The following NAA15 variants were observed in gnomAD, a reference collection of about 807,000 sequenced individuals.
The protein encoded by NAA15 is N-terminal acetyltransferase.
Under a neutral mutation model 114.0 loss-of-function variants are expected in NAA15, and 34 were observed. The observed-to-expected ratio is 0.30, with a 90% CI of 0.23 to 0.40. The LOEUF is 0.40. NAA15 is among the 10% of genes least tolerant of loss of function. NAA15 has a pLI of 1.00. For missense variants in NAA15, 658 were observed against 1,004.5 expected (o/e 0.66, Z 4.66); for synonymous variants, 340 against 338.0 (o/e 1.01, Z -0.06).
intron 1 of NAA15, among the ~76,000 whole-genome samples, chr4:139,333,409 C>T (rs565666605): frequency 6.6e-6 from 1 of 151,762 alleles, no homozygotes; most frequent in Admixed American, 6.6e-5. Context: ...TGTTTTTTTC[C>T]CCTCTCTGGA....
intron 17 of NAA15, chr4:139,379,159 TA>T: frequency 5.0e-6 from 1 of 199,268 alleles, no homozygotes; most frequent in Non-Finnish European, 1.0e-5. Flanking sequence ...AACTTCTTAG[TA>T]AATTGTTTTG....
chr4:139,349,685 G>A, intron 7 of NAA15, 104 bp downstream of exon 7: 1 of 1,245,620 alleles, frequency 8.0e-7, no homozygotes, highest in Non-Finnish European at 1.1e-6. Context: ...TTAAGAATTG[G>A]TTCGAAATCT....
intron 15 of NAA15, among the ~76,000 whole-genome samples, chr4:139,373,004 A>T (rs988588468): frequency 6.6e-6 from 1 of 152,048 alleles, no homozygotes; most frequent in Non-Finnish European, 1.5e-5. Flanking sequence ...CTCTCATCTC[A>T]GCCTCCAGAG....
intron 1 of NAA15, 167 bp downstream of exon 1, chr4:139,301,998 C>T (rs574346350): frequency 6.1e-6 from 4 of 653,770 alleles, no homozygotes; most frequent in South Asian, 5.2e-5. Context: ...GTGGTTCCTA[C>T]TATGGCCCGC....
At chr4:139,366,642 T>G (rs996282741) in intron 14 of NAA15, among the ~76,000 whole-genome samples, 1 of 151,282 alleles carries the variant, frequency 6.6e-6, no homozygotes, top group African/African-American at 2.4e-5. Context: ...AGGGTCTCAC[T>G]CTGTCTTCCA....
At chr4:139,337,716 C>G (rs1747244781) in intron 3 of NAA15, among the ~76,000 whole-genome samples, 1 of 152,132 alleles carries the variant, frequency 6.6e-6, no homozygotes, top group Admixed American at 6.5e-5. Context: ...AAACAATTAG[C>G]AATTTTTCAG....
intron 1 of NAA15, among the ~76,000 whole-genome samples, chr4:139,305,794 A>G (rs190916251): frequency 6.6e-6 from 1 of 152,156 alleles, no homozygotes; most frequent in African/African-American, 2.4e-5. Flanking sequence ...TTGGCCTCCC[A>G]GAATGCTGGG....
At chr4:139,326,219 A>G (rs747111257) in intron 1 of NAA15, among the ~76,000 whole-genome samples, 1 of 152,018 alleles carries the variant, frequency 6.6e-6, no homozygotes, top group Non-Finnish European at 1.5e-5. Context: ...CTGTATCTGG[A>G]TTGTCTGGGT....
intron 1 of NAA15, among the ~76,000 whole-genome samples, chr4:139,304,723 A>G (rs958919957): frequency 3.3e-5 from 5 of 152,244 alleles, no homozygotes; most frequent in South Asian, 2.1e-4. Context: ...ATTTACTTCT[A>G]TGCAGCGTTA....
intron 7 of NAA15, among the ~76,000 whole-genome samples, chr4:139,349,863 G>GT (rs1747723850): frequency 6.6e-6 from 1 of 151,978 alleles, no homozygotes; most frequent in African/African-American, 2.4e-5. Context: ...TGTGTGCCTT[G>GT]TAGTCTCAGC....
At chr4:139,324,407 T>C (rs1230338039) in intron 1 of NAA15, among the ~76,000 whole-genome samples, 2 of 152,206 alleles carry the variant, frequency 1.3e-5, no homozygotes, top group Non-Finnish European at 2.9e-5. Context: ...ATTCACAGTT[T>C]TGAAATTTCA....
intron 1 of NAA15, among the ~76,000 whole-genome samples, chr4:139,304,317 C>T (rs1458190130): frequency 1.3e-5 from 2 of 152,250 alleles, no homozygotes; most frequent in African/African-American, 4.8e-5. Flanking sequence ...ACTCAGTTTT[C>T]CCAACACTAA....
chr4:139,387,010 G>A (rs1472175614), intron 19 of NAA15, among the ~76,000 whole-genome samples: 1 of 152,144 alleles, frequency 6.6e-6, no homozygotes, highest in Non-Finnish European at 1.5e-5. Flanking sequence ...TATGCTGAAA[G>A]ACAGTTATTA....
At chr4:139,358,889 G>A (rs1297944564) in intron 11 of NAA15, among the ~76,000 whole-genome samples, 1 of 152,008 alleles carries the variant, frequency 6.6e-6, no homozygotes, top group Non-Finnish European at 1.5e-5. Flanking sequence ...GGCCAAAGTG[G>A]GCAGATCACA....
intron 1 of NAA15, among the ~76,000 whole-genome samples, chr4:139,330,290 A>G (rs1460644342): frequency 6.6e-6 from 1 of 152,220 alleles, no homozygotes; most frequent in Admixed American, 6.5e-5. Flanking sequence ...ATTATAAGAA[A>G]AACAAGCTAC....
At chr4:139,380,206 A>G (rs1049573722) in intron 17 of NAA15, among the ~76,000 whole-genome samples, 1 of 151,768 alleles carries the variant, frequency 6.6e-6, no homozygotes, top group Non-Finnish European at 1.5e-5. Flanking sequence ...ATATTGTAGA[A>G]AGTAAAGGAG....
intron 11 of NAA15, among the ~76,000 whole-genome samples, chr4:139,357,802 T>C (rs959073633): frequency 4.3e-4 from 66 of 152,202 alleles, no homozygotes; most frequent in African/African-American, 1.5e-3. Flanking sequence ...TTCACACGTA[T>C]CTGGTAATTC....
At chr4:139,334,804 C>G (rs1316334396) in intron 2 of NAA15, among the ~76,000 whole-genome samples, 2 of 152,030 alleles carry the variant, frequency 1.3e-5, no homozygotes, top group East Asian at 3.8e-4. Flanking sequence ...TAAGTTTTGG[C>G]AGGTCTGATT....
chr4:139,350,378 G>A (rs1351204145), intron 7 of NAA15, among the ~76,000 whole-genome samples: 1 of 152,196 alleles, frequency 6.6e-6, no homozygotes, highest in Non-Finnish European at 1.5e-5. Flanking sequence ...GACTTGCCAG[G>A]GTCACGTAAA....
Sources: allele counts gnomAD v4.1 joint callset (sites outside exome capture counted in the v4.1 genomes callset), GRCh38; gene constraint gnomAD v4.1.1; transcripts MANE v1.5; gene names NCBI Gene and HGNC (gene_info 2026-07-23, HGNC 2026-07-21).